Variants in DLG4 observed in about 807,000 individuals in gnomAD.
The protein encoded by DLG4 is discs large MAGUK scaffold protein 4.
DLG4 carries 7 observed loss-of-function variants against 93.8 expected under a neutral mutation model. The ratio of observed to expected loss-of-function variants is 0.07; its 90% confidence interval spans 0.04 to 0.14. The LOEUF is 0.14. Ranked by LOEUF, DLG4 falls within the 10% of genes least tolerant of loss-of-function variation. DLG4 has a pLI of 1.00. For synonymous variants in DLG4, 341 were observed against 387.6 expected (o/e 0.88, Z 1.41); for missense variants, 545 against 992.9 (o/e 0.55, Z 6.06).
Position 7,190,776 on chromosome 17 carries a change from T to C in DLG4, c.2107A>G (p.Lys703Glu). The change falls in exon 20 of 20, where the codon AAG (lysine) becomes GAG (glutamate). Residue 703 changes from lysine (K) to glutamate (E), a missense_variant. By Grantham distance (56) the Lys-to-Glu change is moderately conservative. Around this residue, in one of 5 missense-constraint regions of DLG4, gnomAD observed 428 missense variants for 741.4 expected, o/e 0.58. Transcript: ENST00000399506. ...EGDSFEEIYH[K>E]VKRVIEDLSG... is the part of the protein sequence containing the mutation. The stretch of plus-strand genomic sequence containing the variant: ...AGGTCCTCGATGACACGCTTCACCT[T>C]GTGGTAGATCTCCTCAAAGCTGTCA... The C allele has an allele frequency of 6.2e-7, 1 of 1,613,442 alleles. No homozygotes were observed. Among genetic ancestry groups the C allele is most frequent in the Non-Finnish European group, 8.5e-7 (1 of 1,179,640 alleles).
At position 7,190,453 on chromosome 17, in the gene DLG4, G is replaced by A. The variant is rs1195449838; in HGVS notation, c.*255C>T. The A allele has an allele frequency of 5.9e-6, 3 of 504,728 alleles. No homozygotes were observed. The highest frequency in any genetic ancestry group is 6.4e-5 in the Admixed American group (2 of 31,094). The allele number at this position is 504,728 out of a possible 1,614,324, so 31.3% of individuals were successfully genotyped here. On this transcript the variant is annotated 3_prime_UTR_variant, in exon 20 of 20. Coordinates refer to ENST00000399506, the MANE Select transcript of DLG4 (RefSeq NM_001321075.3). ...GGCAGGTGGGGGCGGGGATCCTAAG[G>A]AGCAAGGGCTCGGAACAAGGAGCCC... is the stretch of plus-strand genomic sequence containing the variant.
In DLG4 at chr17:7,203,881, T is replaced by C. The variant is rs1293659451; in HGVS notation, c.211-65A>G. The stretch of plus-strand genomic sequence containing the variant: ...CCCAAGTCTGGCAAGGCAAGTGGGG[T>C]GGGAAATGGCTTGGAGCAGCCAGAG... On this transcript the variant is annotated intron_variant, in intron 4 of 19. Transcript: ENST00000399506. The surrounding 1 kb of genome is among the most constrained non-coding windows in gnomAD (Gnocchi z 7.2). The C allele has an allele frequency of 6.3e-7, 1 of 1,599,386 alleles. No homozygotes were observed. The highest frequency in any genetic ancestry group is 2.3e-5 in the East Asian group (1 of 44,266).
In DLG4 at chr17:7,194,462, G is replaced by A. The variant is rs369619048; in HGVS notation, c.1335C>T (p.Cys445=). The change falls in exon 12 of 20, where the codon TGC becomes TGT. Residue 445 remains cysteine, a synonymous_variant. Coordinates refer to ENST00000399506, the MANE Select transcript of DLG4 (RefSeq NM_001321075.3). The surrounding 1 kb of genome is among the most constrained non-coding windows in gnomAD (Gnocchi z 4.4). ...AGCTCAGGGCCTGGCTCAGGAAGCC[G>A]CAGTCCTTGGTCTTGTCGTAATCAA... The part of the protein sequence containing the change: ...ALFDYDKTKD[C]GFLSQALSFR... The A allele has an allele frequency of 6.5e-4, 1,046 of 1,609,876 alleles. 9 individuals are homozygous for A. In the South Asian group the frequency reaches 8.5e-3, roughly 13 times the overall value.
At chr17:7,213,870 T>C (rs1477155670) in intron 1 of DLG4, 2 of 470,668 alleles carry the variant, frequency 4.2e-6, no homozygotes, top group Non-Finnish European at 8.8e-6. Context: ...AATGTCCTAG[T>C]TTCATATCTG....
chr17:7,196,279 G>A lies in DLG4; in HGVS notation c.1242C>T (p.Ser414=). 6.2e-7 allele frequency: 1 copy of A among 1,614,028 alleles called. No individual in the cohort carries two copies. Among genetic ancestry groups the A allele is most frequent in the Non-Finnish European group, 8.5e-7 (1 of 1,179,888 alleles). The part of the protein sequence containing the change: ...IHDLREQLMN[S]SLGSGTASLR... ...GGGACGCAGTCCCTGAGCCCAGGCT[G>A]CTGTTCATGAGCTGTTCCCGAAGGT... The change falls in exon 11 of 20, where the codon AGC becomes AGT. Residue 414 remains serine (S), a synonymous_variant. Transcript: ENST00000399506. The surrounding 1 kb of genome is among the most constrained non-coding windows in gnomAD (Gnocchi z 8.3).
Position 7,189,099 on chromosome 17 carries a change from G to GA in DLG4, c.*1608dup, listed in dbSNP as rs1293527655. 4.7e-5 allele frequency among the ~76,000 whole-genome samples: 5 copies of GA among 106,140 alleles called. No individual in the cohort carries two copies. Among genetic ancestry groups the GA allele is most frequent in the African/African-American group, 2.0e-4 (5 of 25,514 alleles). 69.6% of individuals were successfully genotyped at this position (106,140 alleles called of 152,430 possible). A position where few individuals can be genotyped will look rare whatever the true frequency, so the allele number is the denominator to read the frequency against. On this transcript the variant is annotated 3_prime_UTR_variant, in exon 20 of 20. Transcript: ENST00000399506. Reference sequence around the variant, plus strand: ...AGCACTCCAGCCTGAGCGAAAGAGCGAAACTCTGTCTCAAAAAAAAAAAAA... The same window carrying GA: ...AGCACTCCAGCCTGAGCGAAAGAGCGAAAACTCTGTCTCAAAAAAAAAAAAA...
chr17:7,217,739 A>T, upstream of DLG4: 1 of 1,535,022 alleles, frequency 6.5e-7, no homozygotes, highest in Non-Finnish European at 8.7e-7. Flanking sequence ...GGGAAAGGAG[A>T]TAGAAGCAGA....
rs1476624835 is a variant in DLG4 at position 7,187,897 on chromosome 17, C to T, written c.*2811G>A. Among the ~76,000 whole-genome samples, 5 of 151,944 alleles carry T rather than the reference C, an allele frequency of 3.3e-5. No homozygotes were observed. The highest frequency in any genetic ancestry group is 1.9e-4 in the East Asian group (1 of 5,180). ...CAGCTTGGCTAACATGGTGAAACCCCGTTTCTACTAAAAATATTAAAAAAT... is the reference window on the plus strand; with the variant it reads ...CAGCTTGGCTAACATGGTGAAACCCTGTTTCTACTAAAAATATTAAAAAAT... On this transcript the variant is annotated 3_prime_UTR_variant, in exon 20 of 20. Coordinates refer to ENST00000399506, the MANE Select transcript of DLG4 (RefSeq NM_001321075.3).
intron 1 of DLG4, chr17:7,211,821 C>CGGGGGGGGG (rs1318925894): frequency 2.7e-4 from 1 of 3,682 alleles, no homozygotes; most frequent in African/African-American, 2.5e-3. Flanking sequence ...GAGGCTGCGG[C>CGGGGGGGGG]GGGGGGGGGG....
At chr17:7,218,668 G>A (rs1240443874), upstream of DLG4, 2 of 1,551,432 alleles carry the variant, frequency 1.3e-6, no homozygotes, top group East Asian at 4.8e-5. Context: ...AATTGGGACA[G>A]GGAAGATGCC....
rs932499704 is a variant in DLG4, at chr17:7,190,489, C to T, written c.*219G>A. 2.1e-5 allele frequency: 12 copies of T among 560,048 alleles called. No individual in the cohort carries two copies. In the South Asian group the frequency reaches 2.3e-4, roughly 11 times the overall value. The allele number at this position is 560,048 out of a possible 1,614,324, so 34.7% of individuals were successfully genotyped here. ...CGGAACAAGGAGCCCAGCTCCCCCC[C>T]AGACCCCAGGTTCCTGGCGTTCAGG... On this transcript the variant is annotated 3_prime_UTR_variant, in exon 20 of 20. Coordinates refer to ENST00000399506, the MANE Select transcript of DLG4 (RefSeq NM_001321075.3).
At chr17:7,197,253 T>C (rs2069842336) in intron 8 of DLG4, among the ~76,000 whole-genome samples, 1 of 151,996 alleles carries the variant, frequency 6.6e-6, no homozygotes. Context: ...CAGAGGCTGG[T>C]TGTCCTAGGG....
chr17:7,188,070 CAAA>C lies in DLG4; in HGVS notation c.*2635_*2637del, dbSNP rs35409465. Among the ~76,000 whole-genome samples the C allele has an allele frequency of 0.35, 47,740 of 138,350 alleles. 8,167 individuals are homozygous for C. The highest frequency in any genetic ancestry group is 0.48 in the East Asian group (2,265 of 4,752). 90.8% of individuals were successfully genotyped at this position (138,350 alleles called of 152,430 possible). On this transcript the variant is annotated 3_prime_UTR_variant, in exon 20 of 20. Coordinates refer to ENST00000399506, the MANE Select transcript of DLG4 (RefSeq NM_001321075.3). Reference sequence around the variant, plus strand: ...GGGCAACAAAAGTGAAACTCGACCTCAAAAAAAAAAAAAAAAAAATCCTCTGAA... The same window carrying C: ...GGGCAACAAAAGTGAAACTCGACCTCAAAAAAAAAAAAAAAATCCTCTGAA...
rs369792057 is a variant in DLG4 at position 7,205,698 on chromosome 17, C to G, written c.97-1446G>C. ...CCAAAATCTCATCCACGTGTTCATCCCCCATCCCACAGCCCGTCCCCCATC... is the reference window on the plus strand; with the variant it reads ...CCAAAATCTCATCCACGTGTTCATCGCCCATCCCACAGCCCGTCCCCCATC... On this transcript the variant is annotated intron_variant, in intron 2 of 19. Transcript: ENST00000399506. Among the ~76,000 whole-genome samples the G allele has an allele frequency of 7.5e-4, 100 of 133,842 alleles. 3 individuals carry two copies. The highest frequency in any genetic ancestry group is 2.3e-3 in the African/African-American group (89 of 38,958). 87.8% of individuals were successfully genotyped at this position (133,842 alleles called of 152,430 possible). A position where few individuals can be genotyped will look rare whatever the true frequency, so the allele number is the denominator to read the frequency against.
In DLG4 at chr17:7,208,083, G is replaced by A; in HGVS notation, c.96+91C>T. ...CCACCAGGGTCTCCTACCTTGAAGG[G>A]GGAGAGGTGGGCGTGGCCCACGACC... On this transcript the variant is annotated intron_variant, in intron 2 of 19. Coordinates refer to ENST00000399506, the MANE Select transcript of DLG4 (RefSeq NM_001321075.3). The surrounding 1 kb of genome is among the most constrained non-coding windows in gnomAD (Gnocchi z 5.4). 7.6e-7 allele frequency: 1 copy of A among 1,315,166 alleles called. No individual in the cohort carries two copies. The allele number at this position is 1,315,166 out of a possible 1,614,324, so 81.5% of individuals were successfully genotyped here. A position where few individuals can be genotyped will look rare whatever the true frequency, so the allele number is the denominator to read the frequency against.
rs541011472 is a variant in DLG4, at chr17:7,208,313, G to A, written c.31-74C>T. 1.4e-5 allele frequency: 17 copies of A among 1,250,130 alleles called. No individual in the cohort carries two copies. The South Asian group carries it at 4.6e-4, about 34-fold the overall frequency. The allele number at this position is 1,250,130 out of a possible 1,614,324, so 77.4% of individuals were successfully genotyped here. On this transcript the variant is annotated intron_variant, in intron 1 of 19. Transcript: ENST00000399506. The surrounding 1 kb of genome is among the most constrained non-coding windows in gnomAD (Gnocchi z 5.4). ...CTCCAGGCTGGCCGCCCTGGCCGCCGCCTCTTCCCCCAGCCAGTGCAGTGC... is the reference window on the plus strand; with the variant it reads ...CTCCAGGCTGGCCGCCCTGGCCGCCACCTCTTCCCCCAGCCAGTGCAGTGC...
At chr17:7,217,746 C>G, upstream of DLG4, 7 of 1,535,236 alleles carry the variant, frequency 4.6e-6, no homozygotes, top group Non-Finnish European at 6.1e-6. Flanking sequence ...GAGATAGAAG[C>G]AGAAGCACAG....
chr17:7,213,986 G>C, intron 1 of DLG4: 1 of 400,050 alleles, frequency 2.5e-6, no homozygotes, highest in South Asian at 1.8e-5. Context: ...TTATCCACCA[G>C]TGGGCGCCAT....
In DLG4 at chr17:7,191,863, C is replaced by G. The variant is rs769168643; in HGVS notation, c.1976+30G>C. 5.0e-6 allele frequency: 7 copies of G among 1,403,880 alleles called. No homozygotes were observed. Among genetic ancestry groups the G allele is most frequent in the East Asian group, 2.5e-5 (1 of 39,754 alleles). 87.0% of individuals were successfully genotyped at this position (1,403,880 alleles called of 1,614,324 possible). A position where few individuals can be genotyped will look rare whatever the true frequency, so the allele number is the denominator to read the frequency against. On this transcript the variant is annotated intron_variant, in intron 18 of 19. Transcript: ENST00000399506. The surrounding 1 kb of genome is among the most constrained non-coding windows in gnomAD (Gnocchi z 6.6). Reference sequence around the variant, plus strand: ...CCCAGGGCCACAGGTGTTGGGGGAGCAAAGGGGAGGCCCCCAGGACCATAC... The same window carrying G: ...CCCAGGGCCACAGGTGTTGGGGGAGGAAAGGGGAGGCCCCCAGGACCATAC...
Sources: allele counts gnomAD v4.1 joint callset (sites outside exome capture counted in the v4.1 genomes callset), GRCh38; gene constraint gnomAD v4.1.1; regional missense constraint gnomAD v4.1.1; non-coding constraint Gnocchi (gnomAD v3.1); transcripts MANE v1.5; gene names NCBI Gene and HGNC (gene_info 2026-07-23, HGNC 2026-07-21).